SERINC2: variants seen among roughly 807,000 people sequenced by gnomAD.
SERINC2 encodes the protein tumor differentially expressed protein 2.
Under a neutral mutation model 54.2 loss-of-function variants are expected in SERINC2, and 56 were observed. That is an observed-to-expected ratio of 1.03 (90% CI 0.83 to 1.29). The LOEUF (loss-of-function observed/expected upper bound fraction) is 1.29. SERINC2 is among the 50% of genes most tolerant of loss of function. The pLI, the probability that SERINC2 is intolerant of heterozygous loss-of-function variation, is 0.00. For missense variants in SERINC2, 614 were observed against 607.4 expected, an observed-to-expected ratio of 1.01 and a Z score of -0.12; for synonymous variants, 272 against 253.1, an observed-to-expected ratio of 1.07 and a Z score of -0.71.
chr1:31,432,047 A>ATAGGGTGGT (rs1641268274), intron 8 of SERINC2, among the ~76,000 whole-genome samples: 1 of 123,718 alleles, frequency 8.1e-6, no homozygotes, highest in Non-Finnish European at 1.6e-5. Context: ...GACAGGGTGG[A>ATAGGGTGGT]CAGGGTGGAC....
At chr1:31,429,740 C>T (rs1316546240) in intron 8 of SERINC2, among the ~76,000 whole-genome samples, 1 of 152,204 alleles carries the variant, frequency 6.6e-6, no homozygotes, top group Non-Finnish European at 1.5e-5. Context: ...CGTGACCTTG[C>T]CTCCTGGCTC....
upstream of SERINC2, chr1:31,413,014 T>C: frequency 2.7e-6 from 1 of 367,854 alleles, no homozygotes; most frequent in Non-Finnish European, 3.8e-6. The surrounding 1 kb of genome is among the most constrained non-coding windows in gnomAD (Gnocchi z 5.0). Context: ...GGGCCACGAT[T>C]GGGTCAGGTT....
chr1:31,414,033 C>G (rs1438430562), intron 1 of SERINC2: 13 of 1,519,936 alleles, frequency 8.6e-6, no homozygotes, highest in Non-Finnish European at 1.1e-5. Flanking sequence ...GAGGGAGCCC[C>G]GGACTTTCTT....
chr1:31,426,535 G>C (rs1641046159), intron 5 of SERINC2, 119 bp from the exon 6 acceptor site: 1 of 757,642 alleles, frequency 1.3e-6, no homozygotes, highest in Admixed American at 2.7e-5. Context: ...CATTCTTCAA[G>C]TGGGGAAACT....
intron 1 of SERINC2, among the ~76,000 whole-genome samples, chr1:31,421,148 C>G (rs782345316): frequency 6.6e-6 from 1 of 152,170 alleles, no homozygotes; most frequent in African/African-American, 2.4e-5. Context: ...CATAGGAGTG[C>G]GAACCCTATT....
chr1:31,432,723 G>A (rs896583198), intron 8 of SERINC2, among the ~76,000 whole-genome samples: 8 of 152,120 alleles, frequency 5.3e-5, no homozygotes, highest in African/African-American at 1.9e-4. Context: ...CCCTCTAGAG[G>A]AGGTACGATT....
At chr1:31,433,260 C>G (rs1344688062) in intron 9 of SERINC2, 75 bp downstream of exon 9, 1 of 1,308,504 alleles carries the variant, frequency 7.6e-7, no homozygotes, top group Non-Finnish European at 1.1e-6. Flanking sequence ...TGCGGCCCTT[C>G]ACTGGGTTTT....
chr1:31,414,231 C>G, intron 1 of SERINC2: 2 of 1,348,478 alleles, frequency 1.5e-6, no homozygotes, highest in Non-Finnish European at 1.9e-6. Context: ...CCAGCAAGAC[C>G]CCGGCTGGGA....
At chr1:31,426,237 C>T (rs992754771) in intron 5 of SERINC2, among the ~76,000 whole-genome samples, 5 of 152,058 alleles carry the variant, frequency 3.3e-5, no homozygotes, top group African/African-American at 1.2e-4. Flanking sequence ...GACACCTGGT[C>T]CCTGAAACCC....
chr1:31,415,969 G>A lies in SERINC2; in HGVS notation c.39+2665G>A, dbSNP rs961731464. On this transcript the variant is annotated intron_variant, in intron 1 of 9. Transcript: ENST00000373709. ...CACAGGGGATGGGGCCACCAGGCAA[G>A]CCGCCGGCACATGATGACTTGGCTG... 6.3e-6 allele frequency: 6 copies of A among 948,170 alleles called. No individual in the cohort carries two copies. In the East Asian group the frequency reaches 4.6e-4, roughly 73 times the overall value. 58.7% of individuals were successfully genotyped at this position (948,170 alleles called of 1,614,324 possible).
rs1127572 is a variant in SERINC2 at position 31,425,889 on chromosome 1, T to G, written c.586T>G (p.Cys196Gly). ...GCGGTGGCTGGGCAAGGCCGAGGAG[T>G]GCGATTCCCGTGCCTGGTACGCAGG... ...NQRWLGKAEE[C>G]DSRAWYAGLF... The change falls in exon 5 of 10, where the codon TGC becomes GGC. Residue 196 changes from cysteine (C) to glycine (G), a missense_variant. Physicochemically the swap from Cys to Gly is radical, Grantham distance 159. Transcript: ENST00000373709. The G allele has an allele frequency of 6.2e-7, 1 of 1,612,240 alleles. No homozygotes were observed. Among genetic ancestry groups the G allele is most frequent in the East Asian group, 2.2e-5 (1 of 44,878 alleles).
intron 3 of SERINC2, 151 bp downstream of exon 3, chr1:31,425,024 T>C: frequency 1.5e-6 from 1 of 673,944 alleles, no homozygotes; most frequent in South Asian, 1.9e-5. Flanking sequence ...TATCCATTTC[T>C]CAGATGAAGA....
intron 1 of SERINC2, among the ~76,000 whole-genome samples, chr1:31,417,488 TC>T (rs1443401316): frequency 1.3e-5 from 2 of 152,136 alleles, no homozygotes; most frequent in African/African-American, 4.8e-5. Flanking sequence ...TCTCGCCTCT[TC>T]CTGCTCTTCT....
At chr1:31,427,323 T>C (rs1641073124) in intron 6 of SERINC2, among the ~76,000 whole-genome samples, 1 of 152,188 alleles carries the variant, frequency 6.6e-6, no homozygotes, top group African/African-American at 2.4e-5. Context: ...GAACTGCGTG[T>C]TCTTCAGAAA....
chr1:31,417,096 C>T (rs138891232), intron 1 of SERINC2, among the ~76,000 whole-genome samples: 5 of 152,278 alleles, frequency 3.3e-5, no homozygotes, highest in African/African-American at 1.2e-4. Context: ...TAATCCCAAA[C>T]GAATGGCATT....
chr1:31,434,037 G>C (rs1553135294), intron 9 of SERINC2, 27 bp from the exon 10 acceptor site: 5 of 1,611,230 alleles, frequency 3.1e-6, no homozygotes, highest in South Asian at 1.1e-5. Context: ...TGGGCACCAG[G>C]CTCATGGGGA....
chr1:31,416,568 G>A (rs1490086880), intron 1 of SERINC2, among the ~76,000 whole-genome samples: 1 of 152,246 alleles, frequency 6.6e-6, no homozygotes, highest in East Asian at 1.9e-4. Flanking sequence ...GGCTCAGCCA[G>A]TTACGGAGTT....
At chr1:31,432,128 ATAGG>A (rs1641293612) in intron 8 of SERINC2, among the ~76,000 whole-genome samples, 1 of 92,832 alleles carries the variant, frequency 1.1e-5, no homozygotes, top group African/African-American at 5.0e-5. Flanking sequence ...GTTAGGGTGG[ATAGG>A]GTGGACAGGG....
chr1:31,419,728 C>T (rs1218240770), intron 1 of SERINC2, among the ~76,000 whole-genome samples: 1 of 152,180 alleles, frequency 6.6e-6, no homozygotes. Flanking sequence ...ACTTGGGAGG[C>T]TGAGGTAGGA....
Sources: allele counts gnomAD v4.1 joint callset (sites outside exome capture counted in the v4.1 genomes callset), GRCh38; gene constraint gnomAD v4.1.1; non-coding constraint Gnocchi (gnomAD v3.1); transcripts MANE v1.5; gene names NCBI Gene and HGNC (gene_info 2026-07-23, HGNC 2026-07-21).